TMEM132D: variants seen among roughly 807,000 people sequenced by gnomAD.
TMEM132D encodes the protein transmembrane protein 132D, also known as mature OL transmembrane protein.
A neutral mutation model predicts 62.3 loss-of-function variants in TMEM132D; 21 were observed. The ratio of observed to expected loss-of-function variants is 0.34; its 90% CI spans 0.24 to 0.49. The LOEUF is 0.49. Among genes scored for constraint, TMEM132D ranks in the 20% least tolerant of loss-of-function variants. The pLI is 0.99. For synonymous variants in TMEM132D, 621 were observed against 575.6 expected (o/e 1.08, Z -1.13); for missense variants, 1,346 against 1,402.8 (o/e 0.96, Z 0.65).
In TMEM132D at chr12:129,172,004, A is replaced by G. The variant is rs147747966; in HGVS notation, c.1443+37516T>C. Among the ~76,000 whole-genome samples the G allele has an allele frequency of 3.0e-3, 457 of 152,328 alleles. 2 individuals carry two copies. Among genetic ancestry groups the G allele is most frequent in the African/African-American group, 0.01 (416 of 41,574 alleles). ...AGCCAGGCACTGACTTCTTCTCTCC[A>G]GCTATGAAAGCACTAGATGACATCT... On this transcript the variant is annotated intron_variant, in intron 5 of 8. Transcript: ENST00000422113.
intron 4 of TMEM132D, among the ~76,000 whole-genome samples, chr12:129,332,138 T>C (rs1869125202): frequency 6.6e-6 from 1 of 152,192 alleles, no homozygotes; most frequent in Non-Finnish European, 1.5e-5. Flanking sequence ...GATAAGCACT[T>C]GATAAATGAA....
intron 2 of TMEM132D, among the ~76,000 whole-genome samples, chr12:129,644,436 A>G (rs1879718933): frequency 6.6e-6 from 1 of 152,066 alleles, no homozygotes. Flanking sequence ...TGCAGCTGTA[A>G]TAGACTATCA....
chr12:129,899,330 TGGATGGATGGATGATG>T (rs1412475960), intron 1 of TMEM132D, among the ~76,000 whole-genome samples: 2 of 108,620 alleles, frequency 1.8e-5, no homozygotes, highest in Admixed American at 1.8e-4. Flanking sequence ...GATGGATGGA[TGGATGGATGGATGATG>T]GATGGAGGGA....
chr12:129,095,663 T>G (rs1201316146), intron 5 of TMEM132D, among the ~76,000 whole-genome samples: 1 of 152,118 alleles, frequency 6.6e-6, no homozygotes, highest in East Asian at 1.9e-4. Context: ...GGTTTCCTTT[T>G]AAGAAGAAGA....
intron 3 of TMEM132D, among the ~76,000 whole-genome samples, chr12:129,365,706 G>A (rs548048944): frequency 6.0e-4 from 91 of 152,262 alleles, no homozygotes; most frequent in Non-Finnish European, 1.2e-3. Context: ...GAGGAGGCAG[G>A]CAGGTCTTTC....
intron 1 of TMEM132D, among the ~76,000 whole-genome samples, chr12:129,884,130 C>CTATGT (rs557708231): frequency 2.0e-5 from 3 of 152,126 alleles, no homozygotes; most frequent in Non-Finnish European, 4.4e-5. Flanking sequence ...CGGAGTCTCA[C>CTATGT]TATGTTGCCC....
intron 1 of TMEM132D, among the ~76,000 whole-genome samples, chr12:129,855,365 G>A (rs1424236918): frequency 2.6e-5 from 1 of 37,760 alleles, no homozygotes; most frequent in African/African-American, 9.6e-5. Context: ...AACGGGATGG[G>A]TGCCCTTGTA....
chr12:129,595,584 G>A (rs1365358001), intron 2 of TMEM132D, among the ~76,000 whole-genome samples: 1 of 152,222 alleles, frequency 6.6e-6, no homozygotes, highest in East Asian at 1.9e-4. Flanking sequence ...TCATGCTTTG[G>A]TCAACAGAAT....
intron 3 of TMEM132D, among the ~76,000 whole-genome samples, chr12:129,498,626 G>T (rs915060863): frequency 6.6e-6 from 1 of 152,146 alleles, no homozygotes; most frequent in Admixed American, 6.5e-5. Flanking sequence ...TGGTTAACTT[G>T]GTCAGAACGC....
intron 3 of TMEM132D, among the ~76,000 whole-genome samples, chr12:129,357,188 AG>A (rs537754996): frequency 1.2e-3 from 180 of 148,794 alleles, no homozygotes; most frequent in African/African-American, 4.1e-3. Context: ...TGGAGCTTGC[AG>A]TGAGCTGAGA....
intron 4 of TMEM132D, among the ~76,000 whole-genome samples, chr12:129,261,516 C>G (rs145329449): frequency 2.6e-5 from 4 of 152,308 alleles, no homozygotes; most frequent in African/African-American, 9.6e-5. Context: ...CACTAAACAT[C>G]TTTTCCTTTA....
At chr12:129,290,332 G>T (rs942463529) in intron 4 of TMEM132D, among the ~76,000 whole-genome samples, 1 of 151,876 alleles carries the variant, frequency 6.6e-6, no homozygotes, top group South Asian at 2.1e-4. Flanking sequence ...TCAACTTTAC[G>T]TGAGTGAGAA....
intron 3 of TMEM132D, among the ~76,000 whole-genome samples, chr12:129,431,220 C>A (rs973505647): frequency 6.6e-6 from 1 of 152,200 alleles, no homozygotes; most frequent in African/African-American, 2.4e-5. Context: ...GATAAGGACG[C>A]GGAGCTTCAG....
At chr12:129,433,294 T>C (rs965693972) in intron 3 of TMEM132D, among the ~76,000 whole-genome samples, 2 of 152,226 alleles carry the variant, frequency 1.3e-5, no homozygotes, top group Admixed American at 1.3e-4. Flanking sequence ...TGCTGAGTAA[T>C]TGAGACTGCC....
chr12:129,416,674 T>C (rs1284985132), intron 3 of TMEM132D, among the ~76,000 whole-genome samples: 1 of 152,212 alleles, frequency 6.6e-6, no homozygotes, highest in Non-Finnish European at 1.5e-5. Flanking sequence ...ATTCAATATG[T>C]TATTGGCTAT....
At chr12:129,492,847 G>C (rs1443580939) in intron 3 of TMEM132D, among the ~76,000 whole-genome samples, 1 of 152,138 alleles carries the variant, frequency 6.6e-6, no homozygotes, top group Non-Finnish European at 1.5e-5. Flanking sequence ...CTAAGGCTGG[G>C]GTTGGGGAGA....
chr12:129,286,984 G>A (rs1280972668), intron 4 of TMEM132D, among the ~76,000 whole-genome samples: 1 of 151,828 alleles, frequency 6.6e-6, no homozygotes, highest in South Asian at 2.1e-4. Flanking sequence ...GGAGGTGGAG[G>A]TTGCAATGAG....
At chr12:129,476,571 C>T (rs2137050512) in intron 3 of TMEM132D, among the ~76,000 whole-genome samples, 1 of 152,140 alleles carries the variant, frequency 6.6e-6, no homozygotes, top group African/African-American at 2.4e-5. Context: ...AGGGGATGGC[C>T]CCTAATGCCC....
chr12:129,823,937 C>T (rs1012942740), intron 1 of TMEM132D, among the ~76,000 whole-genome samples: 5 of 152,130 alleles, frequency 3.3e-5, no homozygotes, highest in Non-Finnish European at 7.4e-5. Context: ...AAATAACTAA[C>T]ATGAATAGAG....
Sources: allele counts gnomAD v4.1 joint callset (sites outside exome capture counted in the v4.1 genomes callset), GRCh38; gene constraint gnomAD v4.1.1; transcripts MANE v1.5; gene names NCBI Gene and HGNC (gene_info 2026-07-23, HGNC 2026-07-21).